ERV3-1: variants seen among roughly 807,000 people sequenced by gnomAD.
ERV3-1 encodes endogenous retrovirus group 3 member 1, envelope.
ERV3-1 carries 36 observed loss-of-function variants against 24.6 expected under a neutral mutation model. The observed-to-expected ratio is 1.47, with a 90% CI of 1.12 to 1.94. ERV3-1 has a LOEUF of 1.94. Ranked by LOEUF, ERV3-1 falls within the 30% of genes most tolerant of loss-of-function variation. The pLI is 0.00. For synonymous variants in ERV3-1, 211 were observed against 122.6 expected (o/e 1.72, Z -4.76); for missense variants, 578 against 330.9 (o/e 1.75, Z -5.79).
At chr7:65,000,945 G>A (rs1296649891) in intron 1 of ERV3-1, among the ~76,000 whole-genome samples, 2 of 152,136 alleles carry the variant, frequency 1.3e-5, no homozygotes, top group Non-Finnish European at 2.9e-5. Context: ...AGAAACAGAA[G>A]ACCAAATGCA....
Position 64,990,373 on chromosome 7 carries a change from T to C in ERV3-1, c.*839A>G. 5.6e-6 allele frequency: 1 copy of C among 178,564 alleles called. No individual in the cohort carries two copies. Among genetic ancestry groups the C allele is most frequent in the Non-Finnish European group, 1.2e-5 (1 of 84,890 alleles). 11.1% of individuals were successfully genotyped at this position (178,564 alleles called of 1,614,324 possible). ...GAGATCACTGGGTGCAACAGGAAGG[T>C]TTTATTTAGGTGGCCACTGGCCCAG... On this transcript the variant is annotated 3_prime_UTR_variant, in exon 2 of 2. Transcript: ENST00000394323.
At position 64,993,112 on chromosome 7, in the gene ERV3-1, A is replaced by C; in HGVS notation, c.-86T>G. The C allele has an allele frequency of 1.6e-6, 1 of 614,522 alleles. No individual in the cohort carries two copies. The allele number at this position is 614,522 out of a possible 1,614,324, so 38.1% of individuals were successfully genotyped here. ...AGTAATTAATATGACAAGGAAAATT[A>C]CTGGACTTCAGATTTCTAACCACAT... On this transcript the variant is annotated 5_prime_UTR_variant, in exon 2 of 2. Coordinates refer to ENST00000394323, the MANE Select transcript of ERV3-1 (RefSeq NM_001007253.4).
rs765314971 is a variant in ERV3-1, at chr7:64,992,130, G to A, written c.897C>T (p.Asn299=). The A allele has an allele frequency of 1.3e-6, 1 of 766,392 alleles. No homozygotes were observed. Among genetic ancestry groups the A allele is most frequent in the South Asian group, 1.3e-5 (1 of 74,622 alleles). The allele number at this position is 766,392 out of a possible 1,614,324, so 47.5% of individuals were successfully genotyped here. Residue 299 remains asparagine, a synonymous_variant, in exon 2 of 2, where the codon AAC becomes AAT. Transcript: ENST00000394323. ...CTTCCCATGGCCATTGGTCTCCCAT[G>A]TTCATTCCCCCACAGACATAACATG... ...VASCYVCGGM[N]MGDQWPWEAR...
chr7:64,996,753 C>A (rs893225904), intron 1 of ERV3-1, among the ~76,000 whole-genome samples: 3 of 152,214 alleles, frequency 2.0e-5, no homozygotes, highest in Non-Finnish European at 4.4e-5. Flanking sequence ...GTAGCCCCAA[C>A]AATAGTTGTA....
chr7:65,006,332 G>A (rs1223112017), intron 1 of ERV3-1: 1 of 772,744 alleles, frequency 1.3e-6, no homozygotes, highest in Non-Finnish European at 2.1e-6. Context: ...ACTGCGCAGG[G>A]AGGAGACAGG....
At chr7:64,993,836 T>C (rs1035047925) in intron 1 of ERV3-1, among the ~76,000 whole-genome samples, 1 of 152,204 alleles carries the variant, frequency 6.6e-6, no homozygotes, top group East Asian at 1.9e-4. Context: ...TCATGCACTC[T>C]ACTTTTCCTA....
chr7:64,992,353 C>T lies in ERV3-1; in HGVS notation c.674G>A (p.Ser225Asn), dbSNP rs1276426117. Reference protein sequence around the residue: ...GLKAPLGARVSGEEIGPGAYV... With the variant: ...GLKAPLGARVNGEEIGPGAYV... Reference sequence around the variant, plus strand: ...GGCTCCTGGGCCAATTTCTTCACCGCTGACTCGTGCCCCTAGCGGTGCTTT... The same window carrying T: ...GGCTCCTGGGCCAATTTCTTCACCGTTGACTCGTGCCCCTAGCGGTGCTTT... The change falls in exon 2 of 2, where the codon AGC becomes AAC. Residue 225 changes from serine (S) to asparagine (N), a missense_variant. Transcript: ENST00000394323. 1 of 766,428 alleles carries T rather than the reference C, an allele frequency of 1.3e-6. No individual in the cohort carries two copies. Among genetic ancestry groups the T allele is most frequent in the South Asian group, 1.3e-5 (1 of 74,632 alleles). 47.5% of individuals were successfully genotyped at this position (766,428 alleles called of 1,614,324 possible). A position where few individuals can be genotyped will look rare whatever the true frequency, so the allele number is the denominator to read the frequency against.
chr7:65,006,338 A>C, intron 1 of ERV3-1: 3 of 819,912 alleles, frequency 3.7e-6, no homozygotes, highest in Non-Finnish European at 1.9e-6. Context: ...CAGGGAGGAG[A>C]CAGGATGCCC....
chr7:65,003,494 G>A (rs1386486129), intron 1 of ERV3-1, among the ~76,000 whole-genome samples: 2 of 152,004 alleles, frequency 1.3e-5, no homozygotes, highest in African/African-American at 4.8e-5. Flanking sequence ...AAAAGAAAAA[G>A]AAAGAAAGAA....
chr7:64,998,810 G>A (rs536182093), intron 1 of ERV3-1, among the ~76,000 whole-genome samples: 8 of 152,070 alleles, frequency 5.3e-5, no homozygotes, highest in African/African-American at 7.3e-5. Flanking sequence ...AGTCTCGGTC[G>A]GTTCCACACT....
At chr7:64,994,850 C>T (rs977203341) in intron 1 of ERV3-1, among the ~76,000 whole-genome samples, 2 of 152,228 alleles carry the variant, frequency 1.3e-5, no homozygotes, top group African/African-American at 4.8e-5. Flanking sequence ...CAGGCTGAGG[C>T]TACGCCTCCA....
intron 1 of ERV3-1, among the ~76,000 whole-genome samples, chr7:64,994,678 C>T (rs1786366344): frequency 6.6e-6 from 1 of 152,222 alleles, no homozygotes. Flanking sequence ...ATTTCTTTGC[C>T]TGTGGCAGTT....
rs200211834 is a variant in ERV3-1 at position 64,991,290 on chromosome 7, G to A, written c.1737C>T (p.Asp579=). The A allele has an allele frequency of 2.8e-4, 199 of 721,554 alleles. No individual in the cohort carries two copies. The highest frequency in any genetic ancestry group is 1.2e-3 in the African/African-American group (72 of 58,516). 44.7% of individuals were successfully genotyped at this position (721,554 alleles called of 1,614,324 possible). Residue 579 remains aspartate, a synonymous_variant, in exon 2 of 2, where the codon GAC becomes GAT. Coordinates refer to ENST00000394323, the MANE Select transcript of ERV3-1 (RefSeq NM_001007253.4). ...TTATTTCTTTGATGACCTTTCCTTC[G>A]TCATCAAGTTCCAGGCAGCAGTTAG... is the stretch of plus-strand genomic sequence containing the variant. ...NLTNCCLELD[D]EGKVIKEITA...
At chr7:64,996,498 T>A (rs956007104) in intron 1 of ERV3-1, among the ~76,000 whole-genome samples, 1 of 152,210 alleles carries the variant, frequency 6.6e-6, no homozygotes, top group Non-Finnish European at 1.5e-5. Context: ...CTGTACTTCA[T>A]GTATAGTCTC....
intron 1 of ERV3-1, among the ~76,000 whole-genome samples, chr7:64,998,049 C>T (rs1033383393): frequency 1.3e-5 from 2 of 152,122 alleles, no homozygotes; most frequent in Non-Finnish European, 2.9e-5. Context: ...GGTGGGGGCT[C>T]AGATTTCCCC....
In ERV3-1 at chr7:64,993,088, GTAAT is replaced by G; in HGVS notation, c.-66_-63del. ...AGCAAAGTGACAGCTTAATAGCAAAGTAATTAATATGACAAGGAAAATTACTGGA... is the reference window on the plus strand; with the variant it reads ...AGCAAAGTGACAGCTTAATAGCAAAGTAATATGACAAGGAAAATTACTGGA... On this transcript the variant is annotated 5_prime_UTR_variant, in exon 2 of 2. Coordinates refer to ENST00000394323, the MANE Select transcript of ERV3-1 (RefSeq NM_001007253.4). 1 of 636,392 alleles carries G rather than the reference GTAAT, an allele frequency of 1.6e-6. No homozygotes were observed. Among genetic ancestry groups the G allele is most frequent in the South Asian group, 1.8e-5 (1 of 54,526 alleles). 39.4% of individuals were successfully genotyped at this position (636,392 alleles called of 1,614,324 possible).
At position 64,991,046 on chromosome 7, in the gene ERV3-1, T is replaced by A. The variant is rs934659956; in HGVS notation, c.*166A>T. 9.2e-6 allele frequency: 5 copies of A among 542,358 alleles called. No homozygotes were observed. The African/African-American group carries it at 9.4e-5, about 10-fold the overall frequency. The allele number at this position is 542,358 out of a possible 1,614,324, so 33.6% of individuals were successfully genotyped here. A position where few individuals can be genotyped will look rare whatever the true frequency, so the allele number is the denominator to read the frequency against. On this transcript the variant is annotated 3_prime_UTR_variant, in exon 2 of 2. Transcript: ENST00000394323. ...GTTAGGGCCATTAGTCGTGTGGTAG[T>A]CCGTCTGTCCACAAGAGCCTCTATG...
In ERV3-1 at chr7:64,992,684, C is replaced by G. The variant is rs1339046086; in HGVS notation, c.343G>C (p.Asp115His). The change falls in exon 2 of 2, where the codon GAT becomes CAT. Residue 115 changes from aspartate to histidine, a missense_variant. Transcript: ENST00000394323. ...ACATCAAAGTATAAGGATACGACAT[C>G]CTTGCCAGAGGGAAATACCTTGGTT... ...NQTKVFPSGK[D>H]VVSLYFDVCQ... is the part of the protein sequence containing the mutation. 3.9e-6 allele frequency: 3 copies of G among 766,356 alleles called. No homozygotes were observed. The South Asian group carries it at 4.0e-5, about 10-fold the overall frequency. The allele number at this position is 766,356 out of a possible 1,614,324, so 47.5% of individuals were successfully genotyped here.
intron 1 of ERV3-1, among the ~76,000 whole-genome samples, chr7:65,002,812 T>G (rs1786553454): frequency 6.6e-6 from 1 of 152,236 alleles, no homozygotes; most frequent in Non-Finnish European, 1.5e-5. Context: ...CCATTTGCTA[T>G]TCCCCTCTGA....
Sources: gnomAD v4.1 joint callset for allele counts (sites outside exome capture counted in the v4.1 genomes callset) on GRCh38, gnomAD v4.1.1 for gene constraint, MANE v1.5 for transcripts, NCBI Gene and HGNC (gene_info 2026-07-23, HGNC 2026-07-21) for gene names.